Variants in USP48 observed in about 807,000 individuals in gnomAD.
USP48 encodes ubiquitin specific peptidase 48.
A neutral mutation model predicts 150.7 loss-of-function variants in USP48; 43 were observed. The ratio of observed to expected loss-of-function variants is 0.29; its 90% confidence interval spans 0.22 to 0.37. The LOEUF (loss-of-function observed/expected upper bound fraction) is 0.37. Ranked by LOEUF, USP48 falls within the 10% of genes least tolerant of loss-of-function variation. The probability of loss-of-function intolerance (pLI) is 1.00; values close to 1 mark genes in which losing one functional copy is unlikely to be tolerated. For missense variants in USP48, 813 were observed against 1,249.6 expected, an observed-to-expected ratio of 0.65 and a Z score of 5.27; for synonymous variants, 396 against 425.9, an observed-to-expected ratio of 0.93 and a Z score of 0.86.
At position 21,703,583 on chromosome 1, in the gene USP48, G is replaced by T; in HGVS notation, c.2551C>A (p.Gln851Lys). ...TATTCACGCAGGTCCCTCTGCTGCTGACACAATAAGCCTTCTCTGCATTCT... is the reference window on the plus strand; with the variant it reads ...TATTCACGCAGGTCCCTCTGCTGCTTACACAATAAGCCTTCTCTGCATTCT... ...CPECREGLLC[Q>K]QQRDLREYTQ... is the part of the protein sequence containing the mutation. Residue 851 changes from glutamine to lysine, a missense_variant, in exon 21 of 27, where the codon CAG (glutamine) becomes AAG (lysine). Gln to Lys is a moderately conservative substitution (Grantham distance 53). Coordinates refer to ENST00000308271, the MANE Select transcript of USP48 (RefSeq NM_032236.8). 1 of 1,611,010 alleles carries T rather than the reference G, an allele frequency of 6.2e-7. No homozygotes were observed. The highest frequency in any genetic ancestry group is 1.1e-5 in the South Asian group (1 of 91,058).
intron 5 of USP48, 101 bp downstream of exon 5, chr1:21,752,426 A>C: frequency 7.2e-7 from 1 of 1,397,382 alleles, no homozygotes; most frequent in Non-Finnish European, 9.8e-7. Context: ...TCCCATGATA[A>C]ACCACTAAAG....
intron 12 of USP48, among the ~76,000 whole-genome samples, chr1:21,722,024 A>G (rs1390094780): frequency 9.2e-5 from 14 of 152,172 alleles, no homozygotes; most frequent in Admixed American, 9.2e-4. Flanking sequence ...AGTATCTGAC[A>G]AGGTTTACAT....
At chr1:21,692,816 G>A (rs556196142) in intron 23 of USP48, among the ~76,000 whole-genome samples, 1 of 152,252 alleles carries the variant, frequency 6.6e-6, no homozygotes, top group East Asian at 1.9e-4. Context: ...TCACAGAAGG[G>A]TCAATATGAA....
chr1:21,701,677 G>C, intron 21 of USP48, 75 bp from the exon 22 acceptor site: 2 of 1,206,900 alleles, frequency 1.7e-6, no homozygotes. Flanking sequence ...TGGGGGCTGG[G>C]ACCGGCAACC....
chr1:21,721,080 G>A lies in USP48; in HGVS notation c.1850C>T (p.Ala617Val), dbSNP rs1270538527. 2 of 1,614,104 alleles carry A rather than the reference G, an allele frequency of 1.2e-6. No homozygotes were observed. The highest frequency in any genetic ancestry group is 1.7e-6 in the Non-Finnish European group (2 of 1,180,048). ...GTTCATCTTTCCGTTGCTTTGTTCTGCATCACCATCTTGCTCATCCAGCTG... is the reference window on the plus strand; with the variant it reads ...GTTCATCTTTCCGTTGCTTTGTTCTACATCACCATCTTGCTCATCCAGCTG... The part of the protein sequence containing the change: ...LEQLDEQDGD[A>V]EQSNGKMNGS... The change falls in exon 14 of 27, where the codon GCA becomes GTA. Residue 617 changes from alanine (A) to valine (V), a missense_variant. Physicochemically the swap from Ala to Val is moderately conservative, Grantham distance 64. Transcript: ENST00000308271.
At chr1:21,712,093 T>C (rs939856384) in intron 15 of USP48, among the ~76,000 whole-genome samples, 2 of 152,254 alleles carry the variant, frequency 1.3e-5, no homozygotes, top group Non-Finnish European at 2.9e-5. Flanking sequence ...GCATGATGGC[T>C]GACGCCTGTA....
chr1:21,716,363 A>G (rs1324973574), intron 14 of USP48, among the ~76,000 whole-genome samples: 1 of 152,210 alleles, frequency 6.6e-6, no homozygotes, highest in East Asian at 1.9e-4. Context: ...ACCAGTCAGT[A>G]GCATGTATAG....
chr1:21,680,285 T>A (rs1232052866), intron 26 of USP48, among the ~76,000 whole-genome samples: 1 of 152,228 alleles, frequency 6.6e-6, no homozygotes, highest in Non-Finnish European at 1.5e-5. Flanking sequence ...TTGAATATTA[T>A]CGGTGTGCAC....
intron 9 of USP48, among the ~76,000 whole-genome samples, chr1:21,735,090 T>C (rs1319192834): frequency 6.6e-6 from 1 of 152,192 alleles, no homozygotes; most frequent in African/African-American, 2.4e-5. Context: ...CCAAAATAAA[T>C]TTCCTGACCC....
intron 1 of USP48, among the ~76,000 whole-genome samples, chr1:21,770,905 C>T (rs2097878172): frequency 6.6e-6 from 1 of 151,840 alleles, no homozygotes; most frequent in African/African-American, 2.4e-5. Context: ...GGCAGATCAC[C>T]TGAGGCCCGG....
At chr1:21,755,961 T>A (rs1169124026) in intron 3 of USP48, among the ~76,000 whole-genome samples, 1 of 149,042 alleles carries the variant, frequency 6.7e-6, no homozygotes, top group African/African-American at 2.5e-5. Context: ...AGGTCGGGAG[T>A]TCAAGACCAG....
intron 7 of USP48, among the ~76,000 whole-genome samples, chr1:21,747,762 G>A (rs923273739): frequency 6.6e-6 from 1 of 151,892 alleles, no homozygotes; most frequent in African/African-American, 2.4e-5. Context: ...TAGTAGAGAC[G>A]GGGTTTCACC....
Position 21,695,143 on chromosome 1 carries a change from T to C in USP48, c.2806A>G (p.Met936Val), listed in dbSNP as rs771416782. 7.4e-6 allele frequency: 12 copies of C among 1,613,842 alleles called. No homozygotes were observed. The highest frequency in any genetic ancestry group is 1.0e-5 in the Non-Finnish European group (12 of 1,179,936). Reference sequence around the variant, plus strand: ...TCACCACGAACTTTTCTATGTCGCATACTTCGGCGAATAACTTGCTTTTGA... The same window carrying C: ...TCACCACGAACTTTTCTATGTCGCACACTTCGGCGAATAACTTGCTTTTGA... ...AYQKQVIRRS[M>V]RHRKVRGEKA... Residue 936 changes from methionine to valine, a missense_variant, in exon 23 of 27, where the codon ATG becomes GTG. By Grantham distance (21) the Met-to-Val change is conservative. Coordinates refer to ENST00000308271, the MANE Select transcript of USP48 (RefSeq NM_032236.8).
At chr1:21,730,393 G>A (rs1388046663) in intron 9 of USP48, among the ~76,000 whole-genome samples, 1 of 148,008 alleles carries the variant, frequency 6.8e-6, no homozygotes, top group East Asian at 2.0e-4. Context: ...AGTGAGCCGA[G>A]ATCACACTCC....
intron 14 of USP48, among the ~76,000 whole-genome samples, chr1:21,717,638 C>T (rs914113222): frequency 1.3e-5 from 2 of 152,146 alleles, no homozygotes; most frequent in African/African-American, 4.8e-5. Flanking sequence ...ACTGCTAAGT[C>T]TAACTTCCTA....
At position 21,724,091 on chromosome 1, in the gene USP48, G is replaced by A. The variant is rs747863068; in HGVS notation, c.1455C>T (p.Pro485=). ...LYQRLPAGAE[P]YEFVSLEWLQ... is the part of the protein sequence containing the mutation. ...GCCATTCCAGAGAGACAAACTCATAGGGCTCTGAGAAAGCAAGCATCGGAA... is the reference window on the plus strand; with the variant it reads ...GCCATTCCAGAGAGACAAACTCATAAGGCTCTGAGAAAGCAAGCATCGGAA... Residue 485 remains proline, a synonymous_variant, in exon 12 of 27, where the codon CCC becomes CCT. Transcript: ENST00000308271. 6.2e-7 allele frequency: 1 copy of A among 1,614,066 alleles called. No homozygotes were observed. The highest frequency in any genetic ancestry group is 8.5e-7 in the Non-Finnish European group (1 of 1,179,964).
chr1:21,699,808 G>A (rs6675677), intron 22 of USP48, among the ~76,000 whole-genome samples: 112,699 of 149,106 alleles, frequency 0.76, 43,353 homozygotes, highest in Admixed American at 0.84. Flanking sequence ...GAGCCACTGC[G>A]CCTGGCCACA....
chr1:21,732,664 T>C, intron 9 of USP48: 1 of 367,320 alleles, frequency 2.7e-6, no homozygotes, highest in Non-Finnish European at 5.2e-6. Flanking sequence ...AAAAACTTAC[T>C]ATATTCCATT....
intron 3 of USP48, among the ~76,000 whole-genome samples, chr1:21,754,157 T>C (rs958677558): frequency 1.5e-4 from 22 of 151,672 alleles, no homozygotes; most frequent in Non-Finnish European, 2.6e-4. Context: ...TGAGACTCCA[T>C]CTGGGAGGAA....
Sources: allele counts gnomAD v4.1 joint callset (sites outside exome capture counted in the v4.1 genomes callset), GRCh38; gene constraint gnomAD v4.1.1; transcripts MANE v1.5; gene names NCBI Gene and HGNC (gene_info 2026-07-23, HGNC 2026-07-21).